LPP: variants seen among roughly 807,000 people sequenced by gnomAD.
LPP encodes the protein lipoma-preferred partner.
A neutral mutation model predicts 60.4 loss-of-function variants in LPP; 38 were observed. That is an observed-to-expected ratio of 0.63 (90% CI 0.49 to 0.83). The LOEUF (loss-of-function observed/expected upper bound fraction) is 0.83, where lower values mean the gene tolerates loss of function less well. LPP is among the 40% of genes least tolerant of loss of function. The pLI is 0.00. For missense variants in LPP, 902 were observed against 783.6 expected (o/e 1.15, Z -1.80); for synonymous variants, 328 against 290.8 (o/e 1.13, Z -1.30).
chr3:188,321,603 G>GA (rs1490389061), intron 2 of LPP, among the ~76,000 whole-genome samples: 6 of 151,990 alleles, frequency 3.9e-5, no homozygotes, highest in Admixed American at 1.3e-4. Flanking sequence ...TTGGACTGGA[G>GA]AAAAATCTGA....
chr3:188,240,486 A>G (rs1723943265), intron 2 of LPP, among the ~76,000 whole-genome samples: 1 of 152,208 alleles, frequency 6.6e-6, no homozygotes, highest in Non-Finnish European at 1.5e-5. Flanking sequence ...GTTGGAAGGA[A>G]GTCTTATACG....
intron 8 of LPP, among the ~76,000 whole-genome samples, chr3:188,753,793 A>G (rs1268177946): frequency 1.3e-5 from 2 of 151,838 alleles, no homozygotes; most frequent in East Asian, 1.9e-4. Flanking sequence ...GAGTGTGTAT[A>G]TGTATTTGTA....
chr3:188,838,706 G>C (rs1051103618), intron 9 of LPP, among the ~76,000 whole-genome samples: 26 of 152,122 alleles, frequency 1.7e-4, no homozygotes, highest in Admixed American at 1.4e-3. Context: ...GTCCTTTTCA[G>C]GGACATGGAT....
At chr3:188,582,762 A>C (rs976574795) in intron 6 of LPP, among the ~76,000 whole-genome samples, 10 of 152,110 alleles carry the variant, frequency 6.6e-5, no homozygotes, top group African/African-American at 2.2e-4. Context: ...TTCCACTCCA[A>C]TGTTGTTCGG....
chr3:188,240,197 C>G (rs1723538622), intron 2 of LPP: 2 of 180,564 alleles, frequency 1.1e-5, no homozygotes, highest in African/African-American at 4.7e-5. Context: ...CTGTGTGTTT[C>G]ATTTTCCTTT....
intron 6 of LPP, among the ~76,000 whole-genome samples, chr3:188,606,149 A>G (rs1401431768): frequency 6.6e-6 from 1 of 152,110 alleles, no homozygotes; most frequent in Non-Finnish European, 1.5e-5. Context: ...TCACCTCCAC[A>G]GTACTCTCTT....
intron 9 of LPP, 128 bp from the exon 10 acceptor site, chr3:188,866,072 T>C (rs1560313325): frequency 3.4e-5 from 21 of 613,662 alleles, no homozygotes; most frequent in African/African-American, 5.7e-5. Context: ...GGTTTGTAAA[T>C]GGTGATAAAT....
chr3:188,241,579 C>T (rs922175689), intron 2 of LPP, among the ~76,000 whole-genome samples: 2 of 152,212 alleles, frequency 1.3e-5, no homozygotes, highest in Admixed American at 6.5e-5. Flanking sequence ...CATGTGAGAC[C>T]GTGTTATAAT....
At chr3:188,171,551 G>A (rs147694872) in intron 1 of LPP, among the ~76,000 whole-genome samples, 2,699 of 152,280 alleles carry the variant, frequency 0.018, 41 homozygotes, top group South Asian at 0.051. Flanking sequence ...ACAGATTGCC[G>A]GGTGGTGGTC....
intron 3 of LPP, among the ~76,000 whole-genome samples, chr3:188,374,350 T>C (rs1433278463): frequency 2.0e-5 from 3 of 152,174 alleles, no homozygotes; most frequent in Non-Finnish European, 2.9e-5. Flanking sequence ...GCATGGAATG[T>C]TCTTCCATTT....
At chr3:188,543,007 C>T (rs1312351936) in intron 6 of LPP, among the ~76,000 whole-genome samples, 1 of 152,122 alleles carries the variant, frequency 6.6e-6, no homozygotes, top group Non-Finnish European at 1.5e-5. Context: ...TGCTAAGATA[C>T]TTTTCTTTTC....
At position 188,886,771 on chromosome 3, in the gene LPP, C is replaced by T. The variant is rs949253232; in HGVS notation, c.*12292C>T. On this transcript the variant is annotated 3_prime_UTR_variant, in exon 12 of 12. Coordinates refer to ENST00000617246, the MANE Select transcript of LPP (RefSeq NM_001375462.1). ...ACACACACACACACACACACCCCTTCCAAGAAAGCTGATCCTTCAGAAAAT... is the reference window on the plus strand; with the variant it reads ...ACACACACACACACACACACCCCTTTCAAGAAAGCTGATCCTTCAGAAAAT... 8.8e-5 allele frequency: 20 copies of T among 228,368 alleles called. No homozygotes were observed. Among genetic ancestry groups the T allele is most frequent in the African/African-American group, 4.5e-4 (20 of 44,162 alleles). The allele number at this position is 228,368 out of a possible 1,614,324, so 14.1% of individuals were successfully genotyped here.
At chr3:188,218,412 C>T (rs1470039670) in intron 1 of LPP, among the ~76,000 whole-genome samples, 1 of 152,196 alleles carries the variant, frequency 6.6e-6, no homozygotes, top group Non-Finnish European at 1.5e-5. Flanking sequence ...CTTGTGACCT[C>T]ATCCTCCTGT....
At chr3:188,631,610 A>G (rs182739791) in intron 7 of LPP, among the ~76,000 whole-genome samples, 1 of 152,064 alleles carries the variant, frequency 6.6e-6, no homozygotes, top group East Asian at 1.9e-4. Context: ...TTTCCAGCAG[A>G]CTCAATTTCT....
intron 9 of LPP, among the ~76,000 whole-genome samples, chr3:188,834,917 A>G (rs1206102226): frequency 2.0e-5 from 3 of 152,142 alleles, no homozygotes; most frequent in Non-Finnish European, 4.4e-5. Context: ...GCATGACAAA[A>G]TTCATCTTAG....
chr3:188,224,437 C>A (rs1463073605), intron 1 of LPP, among the ~76,000 whole-genome samples: 1 of 152,102 alleles, frequency 6.6e-6, no homozygotes, highest in Non-Finnish European at 1.5e-5. Context: ...TGTCTGTTGG[C>A]ATACATACTG....
intron 6 of LPP, among the ~76,000 whole-genome samples, chr3:188,599,189 C>T (rs959991556): frequency 2.6e-5 from 4 of 152,068 alleles, no homozygotes; most frequent in African/African-American, 7.2e-5. Flanking sequence ...TGGGTATTTA[C>T]ATAAACAGGA....
rs117995073 is a variant in LPP at position 188,715,797 on chromosome 3, G to T, written c.1240+7404G>T. On this transcript the variant is annotated intron_variant, in intron 8 of 11. Transcript: ENST00000617246. The stretch of plus-strand genomic sequence containing the variant: ...AAGCTTTTCATACATGCATGTCTGT[G>T]ACTATGGCATAATTTTTTCCAAATA... Among the ~76,000 whole-genome samples, 14 of 152,298 alleles carry T rather than the reference G, an allele frequency of 9.2e-5. No homozygotes were observed. In the East Asian group the frequency reaches 2.5e-3, roughly 27 times the overall value.
intron 6 of LPP, among the ~76,000 whole-genome samples, chr3:188,604,125 A>T (rs899850254): frequency 2.6e-5 from 4 of 152,120 alleles, no homozygotes; most frequent in Non-Finnish European, 5.9e-5. Flanking sequence ...TGCCCCAAAT[A>T]TTCTGTAACT....
Sources: allele counts gnomAD v4.1 joint callset (sites outside exome capture counted in the v4.1 genomes callset), GRCh38; gene constraint gnomAD v4.1.1; transcripts MANE v1.5; gene names NCBI Gene and HGNC (gene_info 2026-07-23, HGNC 2026-07-21).